The following SNX25 variants were observed in gnomAD, a reference collection of about 807,000 sequenced individuals.
SNX25 encodes the protein sorting nexin 25.
A neutral mutation model predicts 113.7 loss-of-function variants in SNX25; 62 were observed. The observed-to-expected ratio is 0.55, with a 90% CI of 0.44 to 0.67. The LOEUF is 0.67. SNX25 is among the 30% of genes least tolerant of loss of function. The pLI is 0.00. For synonymous variants in SNX25, 421 were observed against 436.2 expected, an observed-to-expected ratio of 0.97 and a Z score of 0.43; for missense variants, 1,014 against 1,161.0, an observed-to-expected ratio of 0.87 and a Z score of 1.84.
chr4:185,243,669 C>T (rs372263710), intron 1 of SNX25, among the ~76,000 whole-genome samples: 22 of 152,064 alleles, frequency 1.4e-4, no homozygotes, highest in African/African-American at 5.3e-4. Flanking sequence ...CTCCCCTTCC[C>T]CTAGCTCTTA....
chr4:185,348,955 G>GT (rs1209717074), intron 13 of SNX25, among the ~76,000 whole-genome samples: 3 of 151,948 alleles, frequency 2.0e-5, no homozygotes, highest in African/African-American at 7.3e-5. Context: ...GGATCATGCA[G>GT]TATTTGTCTT....
At chr4:185,323,394 G>A in intron 8 of SNX25, 134 bp from the exon 9 acceptor site, 1 of 755,196 alleles carries the variant, frequency 1.3e-6, no homozygotes, top group Non-Finnish European at 2.1e-6. Context: ...CCCTGAATAT[G>A]GACACAAAAT....
intron 11 of SNX25, among the ~76,000 whole-genome samples, chr4:185,340,704 A>ATC (rs1246472517): frequency 1.4e-3 from 213 of 152,300 alleles, no homozygotes; most frequent in African/African-American, 5.0e-3. Flanking sequence ...TTCACAGTGT[A>ATC]TTAAAATCAT....
chr4:185,264,261 G>A (rs1156956340), intron 3 of SNX25, among the ~76,000 whole-genome samples, 177 bp from the exon 4 acceptor site: 1 of 152,184 alleles, frequency 6.6e-6, no homozygotes, highest in Non-Finnish European at 1.5e-5. Flanking sequence ...CCATGCATTT[G>A]CATTTATTCT....
chr4:185,242,108 TGAG>T (rs1744145594), intron 1 of SNX25, among the ~76,000 whole-genome samples: 3 of 152,332 alleles, frequency 2.0e-5, no homozygotes, highest in South Asian at 2.1e-4. Flanking sequence ...CATTCAGACA[TGAG>T]GAGATTCTGG....
chr4:185,241,111 C>T (rs1357136150), intron 1 of SNX25, among the ~76,000 whole-genome samples: 3 of 151,694 alleles, frequency 2.0e-5, no homozygotes, highest in East Asian at 2.0e-4. Context: ...CGGCACTTTG[C>T]GGGGCCAAGG....
intron 7 of SNX25, among the ~76,000 whole-genome samples, chr4:185,317,850 C>T (rs2126679125): frequency 6.6e-6 from 1 of 152,146 alleles, no homozygotes; most frequent in African/African-American, 2.4e-5. Flanking sequence ...GGCTTAAAAC[C>T]TAGATGACGG....
At chr4:185,325,253 G>A (rs889650321) in intron 9 of SNX25, among the ~76,000 whole-genome samples, 2 of 152,086 alleles carry the variant, frequency 1.3e-5, no homozygotes, top group Admixed American at 1.3e-4. Context: ...AAGACAAATC[G>A]CCAGGTGCAG....
intron 11 of SNX25, among the ~76,000 whole-genome samples, chr4:185,340,145 T>C (rs2095252493): frequency 6.6e-6 from 1 of 152,180 alleles, no homozygotes; most frequent in African/African-American, 2.4e-5. Context: ...TATAATGTCA[T>C]TTGCATAACC....
At chr4:185,259,099 A>G in intron 3 of SNX25, 35 bp downstream of exon 3, 2 of 1,579,710 alleles carry the variant, frequency 1.3e-6, no homozygotes, top group East Asian at 2.3e-5. Context: ...CCTTTTTTGC[A>G]TTAATTTTTT....
intron 3 of SNX25, 94 bp from the exon 4 acceptor site, chr4:185,264,344 A>G (rs1747747221): frequency 8.4e-7 from 1 of 1,195,758 alleles, no homozygotes; most frequent in South Asian, 1.6e-5. Context: ...ACTATAACCA[A>G]TGTGTTTCTC....
intron 13 of SNX25, among the ~76,000 whole-genome samples, chr4:185,349,099 T>A (rs2095302757): frequency 6.6e-6 from 1 of 152,124 alleles, no homozygotes; most frequent in African/African-American, 2.4e-5. Context: ...TCTTTTGGCT[T>A]CCCTGGTCCA....
intron 12 of SNX25, among the ~76,000 whole-genome samples, chr4:185,345,252 C>T (rs1281442978): frequency 6.6e-6 from 1 of 152,090 alleles, no homozygotes. Flanking sequence ...TTGTGAGAAC[C>T]CTTCCTGTCG....
chr4:185,375,487 A>AAAAAATATAAATATAT, the SNX25 span: 1 of 12,010 alleles, frequency 8.3e-5, no homozygotes, highest in Non-Finnish European at 1.5e-4. Context: ...AAAAAAAAAA[A>AAAAAATATAAATATAT]ATATATATAT....
In SNX25 at chr4:185,232,200, C is replaced by T. The variant is rs1014304219; in HGVS notation, c.430-15094C>T. Reference sequence around the variant, plus strand: ...ATGGTGGTCTTGCAAGATGGGGTGTCTGGTAGGCAGGCACACCTGGGACAG... The same window carrying T: ...ATGGTGGTCTTGCAAGATGGGGTGTTTGGTAGGCAGGCACACCTGGGACAG... On this transcript the variant is annotated intron_variant, in intron 1 of 18. Coordinates refer to ENST00000652585, the MANE Select transcript of SNX25 (RefSeq NM_001378034.2). The surrounding 1 kb of genome is among the most constrained non-coding windows in gnomAD (Gnocchi z 4.4). Among the ~76,000 whole-genome samples, 2 of 152,158 alleles carry T rather than the reference C, an allele frequency of 1.3e-5. No homozygotes were observed. Among genetic ancestry groups the T allele is most frequent in the South Asian group, 2.1e-4 (1 of 4,826 alleles).
downstream of SNX25, among the ~76,000 whole-genome samples, chr4:185,371,294 C>T (rs531874594): frequency 8.0e-4 from 122 of 152,262 alleles, no homozygotes; most frequent in African/African-American, 2.9e-3. Flanking sequence ...AATCCCAGCA[C>T]TTTGGGAGGC....
At chr4:185,301,166 G>T (rs1753623253) in intron 6 of SNX25, among the ~76,000 whole-genome samples, 1 of 152,062 alleles carries the variant, frequency 6.6e-6, no homozygotes, top group Non-Finnish European at 1.5e-5. Flanking sequence ...GTCCTCCTCA[G>T]TCTCTTAGTA....
upstream of SNX25, among the ~76,000 whole-genome samples, chr4:185,207,352 GA>G (rs1263791235): frequency 2.0e-5 from 3 of 151,848 alleles, no homozygotes; most frequent in East Asian, 5.8e-4. Flanking sequence ...GAGTAGCTGG[GA>G]CTACAGGCGC....
At chr4:185,322,641 C>T (rs1169367316) in intron 8 of SNX25, among the ~76,000 whole-genome samples, 1 of 152,166 alleles carries the variant, frequency 6.6e-6, no homozygotes, top group Admixed American at 6.5e-5. Flanking sequence ...TAGTTGCTAA[C>T]TCTATTACTC....
Sources: gnomAD v4.1 joint callset for allele counts (sites outside exome capture counted in the v4.1 genomes callset) on GRCh38, gnomAD v4.1.1 for gene constraint, Gnocchi (gnomAD v3.1) non-coding constraint, MANE v1.5 for transcripts, NCBI Gene and HGNC (gene_info 2026-07-23, HGNC 2026-07-21) for gene names.